The following SVIL variants were observed in gnomAD, a reference collection of about 807,000 sequenced individuals.
SVIL encodes archvillin.
A neutral mutation model predicts 240.4 loss-of-function variants in SVIL; 101 were observed. The observed-to-expected ratio is 0.42, with a 90% CI of 0.36 to 0.50. SVIL has a LOEUF of 0.50. Among genes scored for constraint, SVIL ranks in the 20% least tolerant of loss-of-function variants. SVIL has a pLI of 0.01. For synonymous variants in SVIL, 999 were observed against 1,100.0 expected, an observed-to-expected ratio of 0.91 and a Z score of 1.82; for missense variants, 2,512 against 2,818.7, an observed-to-expected ratio of 0.89 and a Z score of 2.46.
At chr10:29,560,361 A>G (rs1209283668) in intron 3 of SVIL, among the ~76,000 whole-genome samples, 1 of 152,240 alleles carries the variant, frequency 6.6e-6, no homozygotes, top group Non-Finnish European at 1.5e-5. Context: ...GCATACTTTA[A>G]ATGATAGGAT....
chr10:29,583,387 T>C (rs952311015), intron 1 of SVIL, among the ~76,000 whole-genome samples: 4 of 152,110 alleles, frequency 2.6e-5, no homozygotes, highest in African/African-American at 4.8e-5. Context: ...AGCCTCGACC[T>C]CCTAAGCTCA....
At chr10:29,520,894 G>T (rs1950516839) in intron 16 of SVIL, among the ~76,000 whole-genome samples, 1 of 149,660 alleles carries the variant, frequency 6.7e-6, no homozygotes, top group Non-Finnish European at 1.5e-5. Context: ...TCTAGTCTGG[G>T]CAACAGAGGA....
intron 1 of SVIL, among the ~76,000 whole-genome samples, chr10:29,591,320 C>A (rs908606085): frequency 4.5e-4 from 69 of 152,286 alleles, no homozygotes; most frequent in African/African-American, 7.5e-4. Context: ...CTACCCCATG[C>A]CCTCAAGAAG....
intron 1 of SVIL, among the ~76,000 whole-genome samples, chr10:29,571,440 C>A (rs71489691): frequency 0.061 from 9,273 of 152,248 alleles, 356 homozygotes; most frequent in Admixed American, 0.12. Flanking sequence ...CCTACAGAGA[C>A]CCTCGTGTAT....
chr10:29,722,368 T>G (rs1964043227), intron 1 of SVIL, among the ~76,000 whole-genome samples: 1 of 152,092 alleles, frequency 6.6e-6, no homozygotes, highest in African/African-American at 2.4e-5. Flanking sequence ...GAGAAACTTA[T>G]GCAAGACCAT....
chr10:29,513,983 TAAAA>T (rs35208566), intron 16 of SVIL, among the ~76,000 whole-genome samples: 2 of 127,108 alleles, frequency 1.6e-5, no homozygotes, highest in Admixed American at 7.8e-5. Context: ...AGATAAAAGG[TAAAA>T]AAAAAAAAAA....
At chr10:29,694,660 A>G (rs565962057) in intron 1 of SVIL, among the ~76,000 whole-genome samples, 1 of 152,106 alleles carries the variant, frequency 6.6e-6, no homozygotes, top group African/African-American at 2.4e-5. Flanking sequence ...AGGTTTTGCT[A>G]TGTTGGCCGG....
chr10:29,508,559 A>G (rs1482409162), intron 17 of SVIL: 4 of 409,396 alleles, frequency 9.8e-6, no homozygotes, highest in Non-Finnish European at 1.9e-5. Flanking sequence ...GTGACCGCAG[A>G]ATGATCATCT....
At chr10:29,477,948 TACTC>T (rs1946383191) in intron 29 of SVIL, among the ~76,000 whole-genome samples, 2 of 152,258 alleles carry the variant, frequency 1.3e-5, no homozygotes, top group Non-Finnish European at 2.9e-5. Flanking sequence ...TTAACAGTTT[TACTC>T]ATTCATTCAC....
chr10:29,622,570 C>T (rs1386533293), intron 1 of SVIL, among the ~76,000 whole-genome samples: 2 of 152,176 alleles, frequency 1.3e-5, no homozygotes, highest in African/African-American at 4.8e-5. Context: ...AAGCCATCAA[C>T]ACAGAAAGAT....
At chr10:29,467,639 G>GC (rs1356626749) in intron 33 of SVIL, 103 bp downstream of exon 33, 1 of 1,459,862 alleles carries the variant, frequency 6.8e-7, no homozygotes, top group Non-Finnish European at 9.2e-7. Flanking sequence ...GCTGCAGTGA[G>GC]CTGTGATCAT....
At chr10:29,667,074 A>G (rs1441788994) in intron 2 of SVIL, among the ~76,000 whole-genome samples, 6 of 152,154 alleles carry the variant, frequency 3.9e-5, no homozygotes, top group Admixed American at 3.3e-4. Flanking sequence ...ACAGCCTAGC[A>G]GGTGTTTCTT....
At chr10:29,696,993 C>A (rs1264511827) in intron 1 of SVIL, among the ~76,000 whole-genome samples, 3 of 139,584 alleles carry the variant, frequency 2.1e-5, no homozygotes, top group African/African-American at 5.3e-5. Flanking sequence ...GCCCAGCCAG[C>A]CGCCCCGTCC....
chr10:29,494,785 A>G lies in SVIL; in HGVS notation c.3841+129T>C, dbSNP rs534432766. ...GGAGTCCCCAATTTAGTACGTTATCAAGTGAATCAGGGCTTGTTTCTCTAA... is the reference window on the plus strand; with the variant it reads ...GGAGTCCCCAATTTAGTACGTTATCGAGTGAATCAGGGCTTGTTTCTCTAA... On this transcript the variant is annotated intron_variant, in intron 20 of 37. Coordinates refer to ENST00000355867, the MANE Select transcript of SVIL (RefSeq NM_021738.3). 1.6e-5 allele frequency: 14 copies of G among 857,414 alleles called. No homozygotes were observed. The African/African-American group carries it at 2.4e-4, about 15-fold the overall frequency. The allele number at this position is 857,414 out of a possible 1,614,324, so 53.1% of individuals were successfully genotyped here. A position where few individuals can be genotyped will look rare whatever the true frequency, so the allele number is the denominator to read the frequency against.
chr10:29,534,185 G>A (rs961002870), intron 7 of SVIL, among the ~76,000 whole-genome samples: 1 of 152,172 alleles, frequency 6.6e-6, no homozygotes, highest in Non-Finnish European at 1.5e-5. Flanking sequence ...CTGTCCTGCT[G>A]TTATGCTCTT....
At chr10:29,513,218 T>C (rs1949977660) in intron 16 of SVIL, among the ~76,000 whole-genome samples, 1 of 152,082 alleles carries the variant, frequency 6.6e-6, no homozygotes, top group Non-Finnish European at 1.5e-5. Context: ...TGGTCACTTG[T>C]GAAATAACAT....
At chr10:29,558,037 C>T (rs543480869) in intron 3 of SVIL, among the ~76,000 whole-genome samples, 72 of 152,300 alleles carry the variant, frequency 4.7e-4, no homozygotes, top group African/African-American at 1.6e-3. Flanking sequence ...ATTTCTAAAG[C>T]CCCTTAGGGA....
intron 1 of SVIL, among the ~76,000 whole-genome samples, chr10:29,578,805 C>A (rs1291596528): frequency 6.6e-6 from 1 of 152,210 alleles, no homozygotes; most frequent in Non-Finnish European, 1.5e-5. Context: ...GCACTGAAAT[C>A]ACTTCTATCC....
chr10:29,683,271 G>T (rs1355015280), intron 2 of SVIL, among the ~76,000 whole-genome samples: 2 of 152,196 alleles, frequency 1.3e-5, no homozygotes, highest in Non-Finnish European at 2.9e-5. Context: ...TCAATAAGAA[G>T]GGATGTCTGG....
Sources: gnomAD v4.1 joint callset for allele counts (sites outside exome capture counted in the v4.1 genomes callset) on GRCh38, gnomAD v4.1.1 for gene constraint, MANE v1.5 for transcripts, NCBI Gene and HGNC (gene_info 2026-07-23, HGNC 2026-07-21) for gene names.